PTPRD: variants seen among roughly 807,000 people sequenced by gnomAD.
The protein encoded by PTPRD is protein tyrosine phosphatase receptor type D.
Under a neutral mutation model 214.5 loss-of-function variants are expected in PTPRD, and 34 were observed. The observed-to-expected ratio is 0.16, with a 90% CI of 0.12 to 0.21. The LOEUF (loss-of-function observed/expected upper bound fraction) is 0.21, where lower values mean the gene tolerates loss of function less well. Among genes scored for constraint, PTPRD ranks in the 10% least tolerant of loss-of-function variants. The pLI is 1.00. For missense variants in PTPRD, 2,545 were observed against 2,398.7 expected (o/e 1.06, Z -1.27); for synonymous variants, 1,128 against 845.7 (o/e 1.33, Z -5.79).
intron 8 of PTPRD, among the ~76,000 whole-genome samples, chr9:9,530,548 G>C (rs1364323086): frequency 6.6e-6 from 1 of 152,044 alleles, no homozygotes; most frequent in African/African-American, 2.4e-5. Flanking sequence ...CTGCTGAATT[G>C]ACTTAACTTT....
intron 9 of PTPRD, among the ~76,000 whole-genome samples, chr9:9,230,349 G>A (rs1160980729): frequency 6.6e-6 from 1 of 152,084 alleles, no homozygotes; most frequent in Non-Finnish European, 1.5e-5. Flanking sequence ...AAAATGCTGG[G>A]AGGGTGGCGT....
chr9:9,805,121 C>A (rs1331607570), intron 5 of PTPRD, among the ~76,000 whole-genome samples: 1 of 151,978 alleles, frequency 6.6e-6, no homozygotes, highest in African/African-American at 2.4e-5. Flanking sequence ...ATTCTGGGGC[C>A]AGGCTTTGGG....
At chr9:9,913,139 CA>C (rs35017693) in intron 5 of PTPRD, among the ~76,000 whole-genome samples, 31,908 of 151,790 alleles carry the variant, frequency 0.21, 3,748 homozygotes, top group African/African-American at 0.32. Flanking sequence ...AAAATAATTC[CA>C]AATTACATTC....
At chr9:9,759,555 C>CTTTTTTTT (rs3050068) in intron 6 of PTPRD, among the ~76,000 whole-genome samples, 4 of 117,852 alleles carry the variant, frequency 3.4e-5, no homozygotes, top group African/African-American at 1.0e-4. Context: ...CAAGGTCTGT[C>CTTTTTTTT]TTTTTTTTTT....
intron 6 of PTPRD, among the ~76,000 whole-genome samples, chr9:9,754,020 G>C (rs2098546133): frequency 6.6e-6 from 1 of 151,986 alleles, no homozygotes; most frequent in African/African-American, 2.4e-5. Context: ...ATTTGTCTGT[G>C]TGTCTTTTTC....
intron 5 of PTPRD, among the ~76,000 whole-genome samples, chr9:9,926,607 G>A (rs1174468944): frequency 2.0e-5 from 3 of 152,224 alleles, no homozygotes; most frequent in Middle Eastern, 3.4e-3. Flanking sequence ...TAAAATAACT[G>A]AGAAAGGGTA....
At chr9:10,452,131 A>C (rs1447040216) in intron 2 of PTPRD, among the ~76,000 whole-genome samples, 1 of 151,988 alleles carries the variant, frequency 6.6e-6, no homozygotes, top group Non-Finnish European at 1.5e-5. Flanking sequence ...GGTATTATCA[A>C]TAGATTATTA....
chr9:8,965,464 C>T (rs981604227), intron 11 of PTPRD, among the ~76,000 whole-genome samples: 1 of 151,740 alleles, frequency 6.6e-6, no homozygotes, highest in Non-Finnish European at 1.5e-5. Context: ...TATTGTGTGG[C>T]TAAGTCTTTT....
intron 7 of PTPRD, among the ~76,000 whole-genome samples, chr9:9,718,443 C>A (rs1017566664): frequency 5.3e-5 from 8 of 152,122 alleles, no homozygotes; most frequent in African/African-American, 1.9e-4. Context: ...GGGAGGGGAA[C>A]AGGTGATCCC....
intron 14 of PTPRD, among the ~76,000 whole-genome samples, chr9:8,604,416 AT>A (rs1466873137): frequency 1.1e-4 from 16 of 152,206 alleles, no homozygotes; most frequent in African/African-American, 3.9e-4. Flanking sequence ...AGGCAGAGAA[AT>A]ACAAGCACAG....
intron 9 of PTPRD, among the ~76,000 whole-genome samples, chr9:9,193,435 G>C (rs1173476996): frequency 6.6e-6 from 1 of 152,090 alleles, no homozygotes; most frequent in Non-Finnish European, 1.5e-5. Context: ...CTTGATGATA[G>C]GAATACATTC....
intron 3 of PTPRD, among the ~76,000 whole-genome samples, chr9:10,125,577 C>G (rs1453233451): frequency 6.6e-6 from 1 of 150,964 alleles, no homozygotes; most frequent in African/African-American, 2.4e-5. Flanking sequence ...GCCTCAGCCT[C>G]CTGAGTAGCT....
chr9:8,747,594 G>T (rs1029373979), intron 11 of PTPRD, among the ~76,000 whole-genome samples: 2 of 152,036 alleles, frequency 1.3e-5, no homozygotes, highest in African/African-American at 4.8e-5. Flanking sequence ...CTTAGTATGG[G>T]GTAATCCCTT....
At chr9:8,393,101 C>A (rs1055044645) in intron 36 of PTPRD, among the ~76,000 whole-genome samples, 4 of 152,096 alleles carry the variant, frequency 2.6e-5, no homozygotes, top group African/African-American at 9.7e-5. Context: ...GATGTTTCTG[C>A]TGGGAGGCTG....
chr9:8,754,589 A>G (rs1452738499), intron 11 of PTPRD, among the ~76,000 whole-genome samples: 1 of 152,352 alleles, frequency 6.6e-6, no homozygotes, highest in Non-Finnish European at 1.5e-5. Context: ...CTCACACCAT[A>G]TACAAAATAA....
intron 9 of PTPRD, among the ~76,000 whole-genome samples, chr9:9,354,778 C>A (rs62532896): frequency 1.3e-5 from 2 of 151,702 alleles, no homozygotes; most frequent in African/African-American, 4.8e-5. Flanking sequence ...ACCATGGGTG[C>A]TTCTCATTGA....
chr9:8,874,216 G>C (rs1369327529), intron 11 of PTPRD, among the ~76,000 whole-genome samples: 2 of 152,104 alleles, frequency 1.3e-5, no homozygotes, highest in Non-Finnish European at 2.9e-5. Flanking sequence ...TCAGTGACTT[G>C]CCCATAACTT....
At chr9:8,802,108 C>G (rs576876251) in intron 11 of PTPRD, among the ~76,000 whole-genome samples, 1 of 152,298 alleles carries the variant, frequency 6.6e-6, no homozygotes, top group South Asian at 2.1e-4. Context: ...TTAATATACT[C>G]TTTAAATGTA....
At chr9:8,940,827 GTGATGATGATGATGA>G (rs5896286) in intron 11 of PTPRD, among the ~76,000 whole-genome samples, 5 of 139,918 alleles carry the variant, frequency 3.6e-5, no homozygotes, top group Admixed American at 2.1e-4. Context: ...CAAAACATTA[GTGATGATGATGATGA>G]TGATGATGAT....
Sources: gnomAD v4.1 joint callset for allele counts (sites outside exome capture counted in the v4.1 genomes callset) on GRCh38, gnomAD v4.1.1 for gene constraint, MANE v1.5 for transcripts, NCBI Gene and HGNC (gene_info 2026-07-23, HGNC 2026-07-21) for gene names.